Variants in HTR1F observed in about 807,000 individuals in gnomAD.
The protein encoded by HTR1F is 5-hydroxytryptamine receptor 1F.
Under a neutral mutation model 24.0 loss-of-function variants are expected in HTR1F, and 17 were observed. The observed-to-expected ratio is 0.71, with a 90% CI of 0.48 to 1.06. HTR1F has a LOEUF of 1.06. HTR1F is among the 50% of genes least tolerant of loss of function. HTR1F has a pLI of 0.00. For synonymous variants in HTR1F, 186 were observed against 156.8 expected, an observed-to-expected ratio of 1.19 and a Z score of -1.39; for missense variants, 391 against 427.8, an observed-to-expected ratio of 0.91 and a Z score of 0.76.
chr3:87,881,555 G>A (rs185986315), intron 2 of HTR1F, among the ~76,000 whole-genome samples: 132 of 152,226 alleles, frequency 8.7e-4, no homozygotes, highest in Non-Finnish European at 6.3e-4. Flanking sequence ...AAATAACTCC[G>A]CATATCTACA....
chr3:87,843,076 C>A (rs781161792), intron 2 of HTR1F, among the ~76,000 whole-genome samples: 1 of 151,808 alleles, frequency 6.6e-6, no homozygotes, highest in Non-Finnish European at 1.5e-5. Flanking sequence ...CAATTGAAGC[C>A]GCTGAGGTTT....
intron 2 of HTR1F, among the ~76,000 whole-genome samples, chr3:87,961,857 G>A (rs1323131832): frequency 2.0e-5 from 3 of 150,702 alleles, no homozygotes; most frequent in African/African-American, 7.3e-5. Flanking sequence ...ATGACAAAAT[G>A]TGTAAGGGTT....
chr3:87,833,741 G>C (rs1279914915), intron 2 of HTR1F, among the ~76,000 whole-genome samples: 1 of 152,172 alleles, frequency 6.6e-6, no homozygotes, highest in Middle Eastern at 3.4e-3. Flanking sequence ...CCACCCTCAA[G>C]CAATCCTCCT....
chr3:87,807,860 C>A (rs940449242), intron 1 of HTR1F, among the ~76,000 whole-genome samples: 2 of 151,736 alleles, frequency 1.3e-5, no homozygotes, highest in African/African-American at 2.4e-5. Context: ...ATGCTTCTTC[C>A]ATGTCAATTG....
chr3:87,893,712 G>T (rs1015011537), intron 2 of HTR1F, among the ~76,000 whole-genome samples: 7 of 152,176 alleles, frequency 4.6e-5, no homozygotes, highest in African/African-American at 1.7e-4. Flanking sequence ...ACAATAACTG[G>T]TGTTCTTTCA....
rs117502374 is a variant in HTR1F at position 87,875,127 on chromosome 3, G to C, written c.-43+53003G>C. Reference sequence around the variant, plus strand: ...GCACAGGTTAACAAAAGCAAAAATAGAACAATGGAACCACATCAAACTTAA... The same window carrying C: ...GCACAGGTTAACAAAAGCAAAAATACAACAATGGAACCACATCAAACTTAA... On this transcript the variant is annotated intron_variant, in intron 2 of 2. Coordinates refer to ENST00000319595, the MANE Select transcript of HTR1F (RefSeq NM_001322209.2). 4.2e-4 allele frequency among the ~76,000 whole-genome samples: 64 copies of C among 152,200 alleles called. No homozygotes were observed. The East Asian group carries it at 0.012, about 29-fold the overall frequency.
Position 87,882,621 on chromosome 3 carries a change from C to T in HTR1F, c.-43+60497C>T, listed in dbSNP as rs140738060. On this transcript the variant is annotated intron_variant, in intron 2 of 2. Coordinates refer to ENST00000319595, the MANE Select transcript of HTR1F (RefSeq NM_001322209.2). ...CTATCAAGAACAAAAAACTAAACAC[C>T]GCATATTCTCACTCATAGGTGGGAA... Among the ~76,000 whole-genome samples, 235 of 149,976 alleles carry T rather than the reference C, an allele frequency of 1.6e-3. 2 individuals carry two copies. Among genetic ancestry groups the T allele is most frequent in the African/African-American group, 5.4e-3 (220 of 40,718 alleles).
chr3:87,921,697 G>GTT (rs1278932093), intron 2 of HTR1F, among the ~76,000 whole-genome samples: 2 of 151,522 alleles, frequency 1.3e-5, no homozygotes, highest in Non-Finnish European at 3.0e-5. Flanking sequence ...TTTTTTATTT[G>GTT]TTAACCAACA....
At chr3:87,835,184 A>G (rs756112559) in intron 2 of HTR1F, among the ~76,000 whole-genome samples, 1 of 152,154 alleles carries the variant, frequency 6.6e-6, no homozygotes, top group Non-Finnish European at 1.5e-5. Flanking sequence ...CTGGATTTGA[A>G]TCGTAACTCT....
At chr3:87,863,028 G>C (rs896405029) in intron 2 of HTR1F, among the ~76,000 whole-genome samples, 3 of 152,126 alleles carry the variant, frequency 2.0e-5, no homozygotes, top group Admixed American at 2.0e-4. Flanking sequence ...TTTCGGCCAG[G>C]CTGTCTCAAA....
At chr3:87,837,231 G>A (rs1156654212) in intron 2 of HTR1F, among the ~76,000 whole-genome samples, 1 of 151,944 alleles carries the variant, frequency 6.6e-6, no homozygotes, top group Non-Finnish European at 1.5e-5. Flanking sequence ...AACTGAACAA[G>A]CCAAGGAATC....
intron 2 of HTR1F, among the ~76,000 whole-genome samples, chr3:87,929,401 A>C (rs1319469244): frequency 6.6e-6 from 1 of 152,224 alleles, no homozygotes; most frequent in Non-Finnish European, 1.5e-5. Flanking sequence ...ACCTATTTTC[A>C]GATGAAAATC....
intron 2 of HTR1F, among the ~76,000 whole-genome samples, chr3:87,906,415 T>A (rs1703668565): frequency 6.6e-6 from 1 of 152,110 alleles, no homozygotes; most frequent in South Asian, 2.1e-4. Flanking sequence ...AGAGAATAAT[T>A]TTTATAATGT....
chr3:87,849,936 A>T (rs578191834), intron 2 of HTR1F, among the ~76,000 whole-genome samples: 2 of 152,090 alleles, frequency 1.3e-5, no homozygotes, highest in East Asian at 3.9e-4. Context: ...TAGAATGATG[A>T]TCATTAAAAA....
chr3:87,973,539 T>C (rs772899023), intron 2 of HTR1F, among the ~76,000 whole-genome samples: 1 of 152,214 alleles, frequency 6.6e-6, no homozygotes, highest in Admixed American at 6.5e-5. Context: ...TAATAATGGC[T>C]TTTAAAAAAC....
At position 87,971,661 on chromosome 3, in the gene HTR1F, G is replaced by A. The variant is rs569046569; in HGVS notation, c.-42-19047G>A. On this transcript the variant is annotated intron_variant, in intron 2 of 2. Transcript: ENST00000319595. The stretch of plus-strand genomic sequence containing the variant: ...CTGTTTCCTTAGACACACATTCCTT[G>A]GAGATAATCACAGTTAACCACCTCT... Among the ~76,000 whole-genome samples, 5 of 152,240 alleles carry A rather than the reference G, an allele frequency of 3.3e-5. No individual in the cohort carries two copies. The South Asian group carries it at 1.0e-3, about 32-fold the overall frequency.
intron 1 of HTR1F, among the ~76,000 whole-genome samples, chr3:87,815,808 T>C (rs1301932710): frequency 6.6e-6 from 1 of 152,106 alleles, no homozygotes; most frequent in Admixed American, 6.5e-5. Flanking sequence ...AATGTCTTAG[T>C]AGCATTCCTT....
intron 2 of HTR1F, among the ~76,000 whole-genome samples, chr3:87,897,968 C>G (rs892341269): frequency 1.3e-5 from 2 of 151,924 alleles, no homozygotes; most frequent in African/African-American, 4.8e-5. Context: ...AAGCCTGGCA[C>G]AGATTCAGTG....
intron 2 of HTR1F, among the ~76,000 whole-genome samples, chr3:87,865,236 A>G (rs1215658343): frequency 1.3e-5 from 2 of 152,102 alleles, no homozygotes; most frequent in Admixed American, 6.6e-5. Flanking sequence ...TCTATCACTC[A>G]TTTTATTTCA....
Sources: gnomAD v4.1 joint callset for allele counts (sites outside exome capture counted in the v4.1 genomes callset) on GRCh38, gnomAD v4.1.1 for gene constraint, MANE v1.5 for transcripts, NCBI Gene and HGNC (gene_info 2026-07-23, HGNC 2026-07-21) for gene names.